UBAP1L: variants seen among roughly 807,000 people sequenced by gnomAD.
UBAP1L encodes ubiquitin-associated protein 1-like.
In UBAP1L, 32 loss-of-function variants were observed where a neutral mutation model predicts 32.1. That is an observed-to-expected ratio of 1.00 (90% confidence interval 0.75 to 1.34). The LOEUF (loss-of-function observed/expected upper bound fraction) is 1.34, where lower values mean the gene tolerates loss of function less well. UBAP1L is among the 40% of genes most tolerant of loss of function. UBAP1L has a pLI of 0.00. For missense variants in UBAP1L, 516 were observed against 540.5 expected (o/e 0.95, Z 0.45); for synonymous variants, 243 against 250.2 (o/e 0.97, Z 0.27).
rs1200379855 is a variant in UBAP1L at position 65,093,062 on chromosome 15, C to T, written c.*35G>A. 2.0e-6 allele frequency: 3 copies of T among 1,535,952 alleles called. No homozygotes were observed. The highest frequency in any genetic ancestry group is 2.6e-6 in the Non-Finnish European group (3 of 1,143,118). ...ATGGGTTGCCAGGTCTGGCATTGGG[C>T]CTAGATGCCCAGGCATCGTGGAGTG... On this transcript the variant is annotated 3_prime_UTR_variant, in exon 6 of 6. Transcript: ENST00000559089.
chr15:65,110,318 G>A lies in UBAP1L; in HGVS notation c.-173-3930C>T, dbSNP rs1035670359. 6.6e-5 allele frequency among the ~76,000 whole-genome samples: 10 copies of A among 150,820 alleles called. No individual in the cohort carries two copies. In the East Asian group the frequency reaches 7.8e-4, roughly 12 times the overall value. The stretch of plus-strand genomic sequence containing the variant: ...AGATTGCAGTGAGCTGAAATCGCGC[G>A]ACTGCACTCCAGCCTGGTGACAGAG... On this transcript the variant is annotated intron_variant, in intron 1 of 5. Coordinates refer to ENST00000559089, the MANE Select transcript of UBAP1L (RefSeq NM_001163692.2).
intron 1 of UBAP1L, among the ~76,000 whole-genome samples, chr15:65,108,780 T>TAAA (rs397737203): frequency 8.7e-5 from 12 of 137,738 alleles, no homozygotes; most frequent in African/African-American, 1.3e-4. Flanking sequence ...AATAAATAAA[T>TAAA]TAAATTTAAA....
At chr15:65,107,739 C>CAA (rs56359277) in intron 1 of UBAP1L, among the ~76,000 whole-genome samples, 72 of 94,728 alleles carry the variant, frequency 7.6e-4, no homozygotes, top group Middle Eastern at 5.4e-3. Flanking sequence ...AACGCTGTCT[C>CAA]AAAAAAAAAA....
At chr15:65,099,477 C>T in intron 4 of UBAP1L, 28 bp downstream of exon 4, 1 of 1,545,828 alleles carries the variant, frequency 6.5e-7, no homozygotes, top group Non-Finnish European at 8.7e-7. Flanking sequence ...AGCATCACAG[C>T]TCATCAGCTC....
chr15:65,094,876 C>T lies in UBAP1L; in HGVS notation c.910-300G>A. 4.5e-6 allele frequency: 2 copies of T among 444,206 alleles called. No individual in the cohort carries two copies. The highest frequency in any genetic ancestry group is 4.2e-6 in the Non-Finnish European group (1 of 238,922). The allele number at this position is 444,206 out of a possible 1,614,324, so 27.5% of individuals were successfully genotyped here. A position where few individuals can be genotyped will look rare whatever the true frequency, so the allele number is the denominator to read the frequency against. ...CATAGAACCTAGGTGGGGAGCAGGA[C>T]AGGCTTCAAACACAGACATCCCACC... On this transcript the variant is annotated intron_variant, in intron 4 of 5. Coordinates refer to ENST00000559089, the MANE Select transcript of UBAP1L (RefSeq NM_001163692.2). The surrounding 1 kb of genome is among the most constrained non-coding windows in gnomAD (Gnocchi z 4.2).
chr15:65,096,243 G>A (rs1247165483), intron 4 of UBAP1L: 2 of 152,178 alleles, frequency 1.3e-5, no homozygotes, highest in African/African-American at 4.8e-5. Flanking sequence ...AACCACCTGA[G>A]GAACTTTAAA....
chr15:65,100,010 A>G (rs1242740624), intron 3 of UBAP1L: 2 of 229,336 alleles, frequency 8.7e-6, no homozygotes, highest in East Asian at 1.9e-4. Context: ...TTGGGAGGCC[A>G]AGGCAGGTGG....
chr15:65,112,266 C>T (rs1215086621), intron 1 of UBAP1L, among the ~76,000 whole-genome samples: 1 of 152,134 alleles, frequency 6.6e-6, no homozygotes, highest in Non-Finnish European at 1.5e-5. Flanking sequence ...TGCTGGGAAG[C>T]AGTACGAAGT....
chr15:65,094,737 G>A lies in UBAP1L; in HGVS notation c.910-161C>T. The A allele has an allele frequency of 1.6e-6, 1 of 637,680 alleles. No individual in the cohort carries two copies. The highest frequency in any genetic ancestry group is 2.8e-6 in the Non-Finnish European group (1 of 354,876). 39.5% of individuals were successfully genotyped at this position (637,680 alleles called of 1,614,324 possible). On this transcript the variant is annotated intron_variant, in intron 4 of 5. Transcript: ENST00000559089. This position sits in a 1 kb window ranked among gnomAD's most constrained non-coding sequence, Gnocchi z 4.2. ...GAGAGCCCGTGAACCCACAGAAGGG[G>A]GATAGAGGCTTTCTCTGAGTGCCTG...
chr15:65,093,223 C>T lies in UBAP1L; in HGVS notation c.1020G>A (p.Glu340=). 6.5e-7 allele frequency: 1 copy of T among 1,544,692 alleles called. No homozygotes were observed. Among genetic ancestry groups the T allele is most frequent in the Non-Finnish European group, 8.7e-7 (1 of 1,144,792 alleles). ...TGAACTGCTCCCAGAGGCGCAGGAACTCCCCTGCCTGAGGAAGAGGAGACA... is the reference window on the plus strand; with the variant it reads ...TGAACTGCTCCCAGAGGCGCAGGAATTCCCCTGCCTGAGGAAGAGGAGACA... ...MFQFSESQAG[E]FLRLWEQFSD... Residue 340 remains glutamate, a synonymous_variant, in exon 6 of 6, where the codon GAG becomes GAA. Transcript: ENST00000559089.
At chr15:65,096,924 C>T (rs2087180886) in intron 4 of UBAP1L, 1 of 152,316 alleles carries the variant, frequency 6.6e-6, no homozygotes, top group Non-Finnish European at 1.5e-5. Flanking sequence ...AAAGGATTTA[C>T]TGCAATATGC....
At chr15:65,105,016 A>T (rs752480572) in intron 2 of UBAP1L, 11 of 240,324 alleles carry the variant, frequency 4.6e-5, no homozygotes, top group South Asian at 2.7e-4. Context: ...AAATGAAAAA[A>T]AAAAAAAAAA....
In UBAP1L at chr15:65,094,590, G is replaced by A. The variant is rs1283787812; in HGVS notation, c.910-14C>T. 6.5e-6 allele frequency: 10 copies of A among 1,543,924 alleles called. No individual in the cohort carries two copies. The highest frequency in any genetic ancestry group is 1.7e-4 in the Middle Eastern group (1 of 5,992). ...GTAGCTGAGAAACTGGGCCGGAAGC[G>A]GGCAGAGAGGGAGGGAGGGTAAGAG... On this transcript the variant is annotated splice_polypyrimidine_tract_variant and intron_variant, in intron 4 of 5. Coordinates refer to ENST00000559089, the MANE Select transcript of UBAP1L (RefSeq NM_001163692.2). The surrounding 1 kb of genome is among the most constrained non-coding windows in gnomAD (Gnocchi z 4.2).
In UBAP1L at chr15:65,092,954, T is replaced by C. The variant is rs975658183; in HGVS notation, c.*143A>G. The C allele has an allele frequency of 8.5e-7, 1 of 1,174,934 alleles. No individual in the cohort carries two copies. The highest frequency in any genetic ancestry group is 1.6e-5 in the African/African-American group (1 of 64,394). 72.8% of individuals were successfully genotyped at this position (1,174,934 alleles called of 1,614,324 possible). A position where few individuals can be genotyped will look rare whatever the true frequency, so the allele number is the denominator to read the frequency against. On this transcript the variant is annotated 3_prime_UTR_variant, in exon 6 of 6. Transcript: ENST00000559089. ...TTCAGCAGATTCTGCTGCTGTTAAC[T>C]GTCACCCTTGGTATTATTTGTGTTT...
rs1293630918 is a variant in UBAP1L at position 65,094,648 on chromosome 15, C to T, written c.910-72G>A. ...CGGGGCAGCAGACAGGGCAGAGAGG[C>T]ACTCCAAGGGCCTGAGCTGAGGGCC... On this transcript the variant is annotated intron_variant, in intron 4 of 5. Coordinates refer to ENST00000559089, the MANE Select transcript of UBAP1L (RefSeq NM_001163692.2). The surrounding 1 kb of genome is among the most constrained non-coding windows in gnomAD (Gnocchi z 4.2). 2 of 1,156,764 alleles carry T rather than the reference C, an allele frequency of 1.7e-6. No individual in the cohort carries two copies. Among genetic ancestry groups the T allele is most frequent in the Non-Finnish European group, 2.5e-6 (2 of 793,106 alleles). The allele number at this position is 1,156,764 out of a possible 1,614,324, so 71.7% of individuals were successfully genotyped here.
intron 2 of UBAP1L, chr15:65,104,900 G>A (rs1372317383): frequency 2.5e-6 from 1 of 406,328 alleles, no homozygotes; most frequent in Non-Finnish European, 4.9e-6. Flanking sequence ...CCAGCTACTC[G>A]GGAGACCATG....
At chr15:65,113,908 A>C (rs1350554424) in intron 1 of UBAP1L, among the ~76,000 whole-genome samples, 1 of 151,988 alleles carries the variant, frequency 6.6e-6, no homozygotes, top group African/African-American at 2.4e-5. Context: ...CTTTTTTGAG[A>C]TGAAGTCTTG....
At chr15:65,111,893 C>T (rs1013208837) in intron 1 of UBAP1L, among the ~76,000 whole-genome samples, 1 of 151,906 alleles carries the variant, frequency 6.6e-6, no homozygotes, top group South Asian at 2.1e-4. Context: ...CGGGTTCAAG[C>T]GGTTCTCCTG....
Position 65,094,545 on chromosome 15 carries a change from A to G in UBAP1L, c.941T>C (p.Leu314Pro). 1 of 1,551,494 alleles carries G rather than the reference A, an allele frequency of 6.4e-7. No individual in the cohort carries two copies. Among genetic ancestry groups the G allele is most frequent in the East Asian group, 2.4e-5 (1 of 40,924 alleles). The change falls in exon 5 of 6, where the codon CTG becomes CCG. Residue 314 changes from leucine (L) to proline (P), a missense_variant. Leu to Pro is a moderately conservative substitution (Grantham distance 98). Coordinates refer to ENST00000559089, the MANE Select transcript of UBAP1L (RefSeq NM_001163692.2). This position sits in a 1 kb window ranked among gnomAD's most constrained non-coding sequence, Gnocchi z 4.2. The stretch of plus-strand genomic sequence containing the variant: ...GCCTTCCTCATATCCCTGACGTAAC[A>G]GGCGGTCACAGGCACTGAGGTAGCT... ...FLSYLSACDR[L>P]LRQGYEEGLV...
Sources: allele counts gnomAD v4.1 joint callset (sites outside exome capture counted in the v4.1 genomes callset), GRCh38; gene constraint gnomAD v4.1.1; non-coding constraint Gnocchi (gnomAD v3.1); transcripts MANE v1.5; gene names NCBI Gene and HGNC (gene_info 2026-07-23, HGNC 2026-07-21).